Variants in LAMA2 observed in about 807,000 individuals in gnomAD.
LAMA2 encodes the protein laminin subunit alpha 2, also known as laminin subunit alpha-2.
LAMA2 carries 269 observed loss-of-function variants against 364.8 expected under a neutral mutation model. That is an observed-to-expected ratio of 0.74 (90% CI 0.67 to 0.82). LAMA2 has a LOEUF of 0.82. Among genes scored for constraint, LAMA2 ranks in the 40% least tolerant of loss-of-function variants. The pLI is 0.00. For missense variants in LAMA2, 3,807 were observed against 3,873.2 expected, an observed-to-expected ratio of 0.98 and a Z score of 0.45; for synonymous variants, 1,379 against 1,370.6, an observed-to-expected ratio of 1.01 and a Z score of -0.14.
intron 29 of LAMA2, among the ~76,000 whole-genome samples, chr6:129,338,019 T>A (rs1776052846): frequency 6.6e-6 from 1 of 152,138 alleles, no homozygotes; most frequent in Admixed American, 6.5e-5. Context: ...TTAACCAAGT[T>A]TAGTATGTCA....
In LAMA2 at chr6:129,190,149, C is replaced by T. The variant is rs114336306; in HGVS notation, c.1468-56C>T. ...AATATTTTCCTTATACAGACATGGA[C>T]GCAGCTCATAATGTTGAAGGATACC... On this transcript the variant is annotated intron_variant, in intron 10 of 64. Coordinates refer to ENST00000421865, the MANE Select transcript of LAMA2 (RefSeq NM_000426.4). 1,968 of 1,558,714 alleles carry T rather than the reference C, an allele frequency of 1.3e-3. 24 individuals are homozygous for T. The African/African-American group carries it at 0.024, about 19-fold the overall frequency.
chr6:129,157,513 G>A (rs1779184413), intron 8 of LAMA2: 1 of 1,611,802 alleles, frequency 6.2e-7, no homozygotes, highest in African/African-American at 1.3e-5. Flanking sequence ...CTCCTCCGAT[G>A]GTTTAACCGT....
At chr6:128,992,654 G>T (rs1374388239) in intron 1 of LAMA2, among the ~76,000 whole-genome samples, 4 of 152,302 alleles carry the variant, frequency 2.6e-5, no homozygotes, top group East Asian at 1.9e-4. Flanking sequence ...CAACAAAAAA[G>T]TCTGTATTCT....
chr6:128,998,412 G>A (rs1784141585), intron 1 of LAMA2, among the ~76,000 whole-genome samples: 1 of 69,224 alleles, frequency 1.4e-5, no homozygotes, highest in Admixed American at 1.1e-4. Flanking sequence ...TGGCCGAATA[G>A]GAACAGCTCC....
chr6:129,339,787 G>A (rs1365384469), intron 29 of LAMA2, among the ~76,000 whole-genome samples: 2 of 152,114 alleles, frequency 1.3e-5, no homozygotes, highest in East Asian at 1.9e-4. Flanking sequence ...GGCAGATCAC[G>A]GGGTCAAGAG....
chr6:129,516,092 C>A (rs530098092), intron 64 of LAMA2, 98 bp from the exon 65 acceptor site: 3 of 1,318,600 alleles, frequency 2.3e-6, no homozygotes, highest in African/African-American at 1.4e-5. Context: ...AAACAGCATT[C>A]CAATTTAATC....
chr6:129,297,011 A>G (rs1444060015), intron 20 of LAMA2, among the ~76,000 whole-genome samples: 1 of 152,212 alleles, frequency 6.6e-6, no homozygotes, highest in African/African-American at 2.4e-5. Flanking sequence ...TCATCAGAGA[A>G]TGAAAGTTTA....
intron 16 of LAMA2, among the ~76,000 whole-genome samples, chr6:129,270,324 C>T (rs1196887736): frequency 6.7e-6 from 1 of 148,898 alleles, no homozygotes; most frequent in Non-Finnish European, 1.5e-5. Flanking sequence ...CACGCAATAT[C>T]ATGTATTTTC....
chr6:129,314,000 A>G (rs1010611683), intron 23 of LAMA2, among the ~76,000 whole-genome samples: 1 of 152,262 alleles, frequency 6.6e-6, no homozygotes, highest in African/African-American at 2.4e-5. Flanking sequence ...AGCTTACAAT[A>G]GCACCACTGT....
chr6:129,036,693 C>G (rs939931537), intron 1 of LAMA2, among the ~76,000 whole-genome samples: 4 of 151,312 alleles, frequency 2.6e-5, no homozygotes, highest in African/African-American at 2.4e-5. Context: ...CAAAAATACT[C>G]TTTTATTTTA....
At chr6:129,466,728 G>A (rs919486522) in intron 51 of LAMA2, among the ~76,000 whole-genome samples, 4 of 151,792 alleles carry the variant, frequency 2.6e-5, no homozygotes, top group African/African-American at 9.7e-5. Flanking sequence ...TTTGGGGAAT[G>A]CTTTAGTAAC....
At chr6:129,257,065 AG>A (rs1444460864) in intron 14 of LAMA2, among the ~76,000 whole-genome samples, 4 of 151,878 alleles carry the variant, frequency 2.6e-5, no homozygotes, top group African/African-American at 7.2e-5. Flanking sequence ...TAAAAATAAG[AG>A]GGAAGAGTCA....
At chr6:128,907,591 T>C (rs1777575365) in intron 1 of LAMA2, among the ~76,000 whole-genome samples, 1 of 152,104 alleles carries the variant, frequency 6.6e-6, no homozygotes, top group African/African-American at 2.4e-5. Flanking sequence ...GAGGGACAAT[T>C]TGACTTCCTC....
intron 1 of LAMA2, among the ~76,000 whole-genome samples, chr6:129,025,168 T>C (rs1239930613): frequency 6.6e-6 from 1 of 152,146 alleles, no homozygotes; most frequent in Admixed American, 6.6e-5. Context: ...AAAGACACAA[T>C]TGAGGTTTTA....
chr6:128,960,480 C>T (rs1238333147), intron 1 of LAMA2, among the ~76,000 whole-genome samples: 5 of 151,556 alleles, frequency 3.3e-5, no homozygotes, highest in Middle Eastern at 3.2e-3. Context: ...CCCGCCGACC[C>T]CCATGAGTAG....
At chr6:129,496,246 A>C (rs1367490891) in intron 58 of LAMA2, among the ~76,000 whole-genome samples, 1 of 152,168 alleles carries the variant, frequency 6.6e-6, no homozygotes, top group Non-Finnish European at 1.5e-5. Flanking sequence ...GTCTCACTGC[A>C]ACCTCCACCT....
chr6:129,394,968 TA>T (rs1483697445), intron 37 of LAMA2, among the ~76,000 whole-genome samples: 2 of 152,154 alleles, frequency 1.3e-5, no homozygotes, highest in Non-Finnish European at 2.9e-5. Context: ...ATAAAATAGA[TA>T]AACTAACTGA....
In LAMA2 at chr6:129,492,494, A is replaced by C. The variant is rs1487721805; in HGVS notation, c.8244+11A>C. Reference sequence around the variant, plus strand: ...CCAGTTCTGACACATGTAAGTGTTTATATTATCCCCATTGCTTTCTAATTT... The same window carrying C: ...CCAGTTCTGACACATGTAAGTGTTTCTATTATCCCCATTGCTTTCTAATTT... On this transcript the variant is annotated intron_variant, in intron 58 of 64. Coordinates refer to ENST00000421865, the MANE Select transcript of LAMA2 (RefSeq NM_000426.4). 6.2e-7 allele frequency: 1 copy of C among 1,610,000 alleles called. No individual in the cohort carries two copies. The highest frequency in any genetic ancestry group is 8.5e-7 in the Non-Finnish European group (1 of 1,176,392).
chr6:128,911,280 A>G (rs550984426), intron 1 of LAMA2, among the ~76,000 whole-genome samples: 1 of 152,228 alleles, frequency 6.6e-6, no homozygotes, highest in Admixed American at 6.5e-5. Flanking sequence ...TGTGCTAGCA[A>G]TCAGTGAGAC....
Sources: gnomAD v4.1 joint callset for allele counts (sites outside exome capture counted in the v4.1 genomes callset) on GRCh38, gnomAD v4.1.1 for gene constraint, MANE v1.5 for transcripts, NCBI Gene and HGNC (gene_info 2026-07-23, HGNC 2026-07-21) for gene names.